Variants in SPSB1 observed in about 807,000 individuals in gnomAD.
SPSB1 encodes SPRY domain-containing SOCS box protein 1.
A neutral mutation model predicts 21.2 loss-of-function variants in SPSB1; 8 were observed. The ratio of observed to expected loss-of-function variants is 0.38; its 90% CI spans 0.22 to 0.68. The LOEUF (loss-of-function observed/expected upper bound fraction) is 0.68, where lower values mean the gene tolerates loss of function less well. SPSB1 is among the 30% of genes least tolerant of loss of function. The pLI is 0.53. For missense variants in SPSB1, 242 were observed against 377.8 expected, an observed-to-expected ratio of 0.64 and a Z score of 2.98; for synonymous variants, 169 against 161.7, an observed-to-expected ratio of 1.05 and a Z score of -0.34.
chr1:9,298,534 A>G (rs1206764713), intron 1 of SPSB1, among the ~76,000 whole-genome samples: 1 of 152,190 alleles, frequency 6.6e-6, no homozygotes, highest in African/African-American at 2.4e-5. Context: ...TTATGCTATT[A>G]ATTTTTCTCC....
At chr1:9,338,096 T>C (rs1640033183) in intron 1 of SPSB1, among the ~76,000 whole-genome samples, 1 of 152,122 alleles carries the variant, frequency 6.6e-6, no homozygotes, top group African/African-American at 2.4e-5. Context: ...AGTGCTCAGA[T>C]GGGGGAGGGG....
At chr1:9,320,072 A>T (rs923843511) in intron 1 of SPSB1, among the ~76,000 whole-genome samples, 14 of 152,006 alleles carry the variant, frequency 9.2e-5, no homozygotes, top group Non-Finnish European at 1.8e-4. Context: ...AGCTAGACTC[A>T]CCTGCTCAGG....
At chr1:9,349,517 G>A (rs1640216789) in intron 1 of SPSB1, among the ~76,000 whole-genome samples, 1 of 152,276 alleles carries the variant, frequency 6.6e-6, no homozygotes, top group African/African-American at 2.4e-5. Context: ...CGCCGTAGAT[G>A]CGTGTCAGAT....
intron 1 of SPSB1, among the ~76,000 whole-genome samples, chr1:9,329,824 T>C: frequency 6.6e-6 from 1 of 151,666 alleles, no homozygotes; most frequent in East Asian, 1.9e-4. Context: ...GGCTTGGGTG[T>C]GGAGGTAGAA....
chr1:9,326,161 TC>T (rs1208238184), intron 1 of SPSB1, among the ~76,000 whole-genome samples: 1 of 151,914 alleles, frequency 6.6e-6, no homozygotes, highest in Non-Finnish European at 1.5e-5. Context: ...AATTTAGTCT[TC>T]CCTGCCTTTC....
At chr1:9,353,279 T>G (rs1640297998) in intron 1 of SPSB1, among the ~76,000 whole-genome samples, 1 of 151,854 alleles carries the variant, frequency 6.6e-6, no homozygotes, top group Middle Eastern at 3.2e-3. Context: ...AGAGGGGAAT[T>G]CAGGGAAGGC....
At chr1:9,299,405 G>A (rs900375447) in intron 1 of SPSB1, among the ~76,000 whole-genome samples, 6 of 152,204 alleles carry the variant, frequency 3.9e-5, no homozygotes, top group African/African-American at 1.2e-4. Flanking sequence ...TCAGGAGGCC[G>A]AGGCAGGAGG....
intron 1 of SPSB1, among the ~76,000 whole-genome samples, chr1:9,341,201 C>A (rs1039877091): frequency 2.6e-5 from 4 of 152,330 alleles, no homozygotes; most frequent in South Asian, 2.1e-4. Context: ...TAGGTCCTGG[C>A]CCCCCGGCCT....
chr1:9,299,146 C>G (rs928950632), intron 1 of SPSB1, among the ~76,000 whole-genome samples: 2 of 152,228 alleles, frequency 1.3e-5, no homozygotes, highest in African/African-American at 4.8e-5. Context: ...ATCTCTGGTC[C>G]CTGCTACTGC....
chr1:9,345,555 G>A lies in SPSB1; in HGVS notation c.-149-10188G>A, dbSNP rs1423232708. On this transcript the variant is annotated intron_variant, in intron 1 of 2. Coordinates refer to ENST00000328089, the MANE Select transcript of SPSB1 (RefSeq NM_025106.4). This position sits in a 1 kb window ranked among gnomAD's most constrained non-coding sequence, Gnocchi z 4.8. ...AGAACTGGCTTCTCGTCTGCATCAG[G>A]CACAGTCCGTTGTCCTCGCCACCCT... is the stretch of plus-strand genomic sequence containing the variant. Among the ~76,000 whole-genome samples, 2 of 152,174 alleles carry A rather than the reference G, an allele frequency of 1.3e-5. No individual in the cohort carries two copies. The highest frequency in any genetic ancestry group is 1.5e-5 in the Non-Finnish European group (1 of 68,020).
In SPSB1 at chr1:9,366,067, G is replaced by A. The variant is rs187222034; in HGVS notation, c.695-1381G>A. The stretch of plus-strand genomic sequence containing the variant: ...CTGACGGCTCATCTGAGATGCAGCT[G>A]AATGAACTCAGCCTCCTTTGTAGGA... On this transcript the variant is annotated intron_variant, in intron 2 of 2. Transcript: ENST00000328089. 1.5e-3 allele frequency among the ~76,000 whole-genome samples: 227 copies of A among 152,364 alleles called. 1 individual carries two copies. The highest frequency in any genetic ancestry group is 5.1e-3 in the African/African-American group (213 of 41,584).
intron 1 of SPSB1, among the ~76,000 whole-genome samples, chr1:9,315,542 A>T (rs1366541218): frequency 6.6e-6 from 1 of 152,122 alleles, no homozygotes; most frequent in Non-Finnish European, 1.5e-5. Context: ...TGTGAATGTG[A>T]CTCCTGAGCT....
intron 1 of SPSB1, among the ~76,000 whole-genome samples, chr1:9,342,540 A>G (rs2100502812): frequency 6.6e-6 from 1 of 152,266 alleles, no homozygotes; most frequent in South Asian, 2.1e-4. Flanking sequence ...GTGAGAAAGT[A>G]GGCGCCTAGG....
rs1197844603 is a variant in SPSB1 at position 9,324,713 on chromosome 1, C to T, written c.-149-31030C>T. ...GAGGCAGCGGCCAGCCAGCATCTCCCGGAGCCCAGAATCTCTCTGGGAATG... is the reference window on the plus strand; with the variant it reads ...GAGGCAGCGGCCAGCCAGCATCTCCTGGAGCCCAGAATCTCTCTGGGAATG... On this transcript the variant is annotated intron_variant, in intron 1 of 2. Coordinates refer to ENST00000328089, the MANE Select transcript of SPSB1 (RefSeq NM_025106.4). The surrounding 1 kb of genome is among the most constrained non-coding windows in gnomAD (Gnocchi z 4.3). Among the ~76,000 whole-genome samples the T allele has an allele frequency of 5.9e-5, 9 of 152,172 alleles. No individual in the cohort carries two copies. Among genetic ancestry groups the T allele is most frequent in the African/African-American group, 1.7e-4 (7 of 41,428 alleles).
rs529580325 is a variant in SPSB1 at position 9,325,437 on chromosome 1, G to C, written c.-149-30306G>C. Among the ~76,000 whole-genome samples, 3 of 152,320 alleles carry C rather than the reference G, an allele frequency of 2.0e-5. No homozygotes were observed. In the South Asian group the frequency reaches 6.2e-4, roughly 32 times the overall value. On this transcript the variant is annotated intron_variant, in intron 1 of 2. Transcript: ENST00000328089. ...TCCAGTGGGGAAGGTTCCATAGCAG[G>C]TCTGGGACAGAGAGATGGATGCCTG... is the stretch of plus-strand genomic sequence containing the variant.
intron 1 of SPSB1, among the ~76,000 whole-genome samples, chr1:9,349,309 C>G (rs1461541695): frequency 6.6e-6 from 1 of 152,234 alleles, no homozygotes; most frequent in Non-Finnish European, 1.5e-5. Context: ...GACAGACGCT[C>G]CCGCCACGTG....
chr1:9,347,562 G>A (rs966545169), intron 1 of SPSB1, among the ~76,000 whole-genome samples: 1 of 152,178 alleles, frequency 6.6e-6, no homozygotes, highest in African/African-American at 2.4e-5. Context: ...TTTAAATTCT[G>A]TTCTTTCAGA....
chr1:9,364,255 G>A (rs377719657), intron 2 of SPSB1, among the ~76,000 whole-genome samples: 6 of 152,308 alleles, frequency 3.9e-5, no homozygotes, highest in South Asian at 2.1e-4. Context: ...AGATGCAGGC[G>A]CGCTCCCAAG....
Position 9,305,990 on chromosome 1 carries a change from C to T in SPSB1, c.-150+12919C>T, listed in dbSNP as rs531111284. On this transcript the variant is annotated intron_variant, in intron 1 of 2. Transcript: ENST00000328089. The surrounding 1 kb of genome is among the most constrained non-coding windows in gnomAD (Gnocchi z 4.8). ...AGACCTGGGGACATTTGTGCAATTG[C>T]GAGTAACGTGGGAGAGGGGTTCGTG... Among the ~76,000 whole-genome samples, 235 of 152,180 alleles carry T rather than the reference C, an allele frequency of 1.5e-3. No individual in the cohort carries two copies. The highest frequency in any genetic ancestry group is 2.5e-3 in the Non-Finnish European group (172 of 67,998).
Sources: gnomAD v4.1 joint callset for allele counts (sites outside exome capture counted in the v4.1 genomes callset) on GRCh38, gnomAD v4.1.1 for gene constraint, Gnocchi (gnomAD v3.1) non-coding constraint, MANE v1.5 for transcripts, NCBI Gene and HGNC (gene_info 2026-07-23, HGNC 2026-07-21) for gene names.